MTHFSD: variants seen among roughly 807,000 people sequenced by gnomAD.
MTHFSD encodes the protein methenyltetrahydrofolate synthetase domain containing.
Under a neutral mutation model 31.1 loss-of-function variants are expected in MTHFSD, and 37 were observed. The ratio of observed to expected loss-of-function variants is 1.19; its 90% CI spans 0.91 to 1.56. The LOEUF (loss-of-function observed/expected upper bound fraction) is 1.56. Among genes scored for constraint, MTHFSD ranks in the 40% most tolerant of loss-of-function variants. MTHFSD has a pLI of 0.00. For missense variants in MTHFSD, 664 were observed against 510.1 expected, an observed-to-expected ratio of 1.30 and a Z score of -2.91; for synonymous variants, 221 against 206.9, an observed-to-expected ratio of 1.07 and a Z score of -0.59.
At chr16:86,537,082 G>A (rs1228757532) in intron 7 of MTHFSD, among the ~76,000 whole-genome samples, 1 of 152,126 alleles carries the variant, frequency 6.6e-6, no homozygotes, top group Non-Finnish European at 1.5e-5. Context: ...AAATGCACCC[G>A]GGCGCAATGT....
At chr16:86,541,131 C>G in intron 7 of MTHFSD, 2 of 1,286,318 alleles carry the variant, frequency 1.6e-6, no homozygotes, top group South Asian at 2.5e-5. Flanking sequence ...AGCATCATAA[C>G]CTACAGGCTG....
intron 6 of MTHFSD, 72 bp from the exon 7 acceptor site, chr16:86,541,894 T>TG: frequency 6.3e-7 from 1 of 1,589,420 alleles, no homozygotes; most frequent in Admixed American, 1.7e-5. Flanking sequence ...CCCCGCTCGG[T>TG]GGGAACGTGA....
chr16:86,540,633 T>C (rs1597341774), intron 7 of MTHFSD: 1 of 978,478 alleles, frequency 1.0e-6, no homozygotes, highest in Non-Finnish European at 1.2e-6. Flanking sequence ...GCCGCCAGCC[T>C]TATGCTCTGT....
At chr16:86,537,197 C>T (rs1345087194) in intron 7 of MTHFSD, among the ~76,000 whole-genome samples, 1 of 152,136 alleles carries the variant, frequency 6.6e-6, no homozygotes, top group African/African-American at 2.4e-5. Context: ...AAGGTAGAAA[C>T]GTTTGAAATC....
rs1213058767 is a variant in MTHFSD at position 86,532,033 on chromosome 16, G to C, written c.1130C>G (p.Ala377Gly). The C allele has an allele frequency of 6.7e-7, 1 of 1,485,254 alleles. No homozygotes were observed. Among genetic ancestry groups the C allele is most frequent in the Non-Finnish European group, 8.9e-7 (1 of 1,122,956 alleles). The allele number at this position is 1,485,254 out of a possible 1,614,324, so 92.0% of individuals were successfully genotyped here. ...LGTDTLRVALARQQRDK is the reference protein window; with the variant it reads ...LGTDTLRVALGRQQRDK ...AGGTCACTTGTCCCTCTGCTGCCTG[G>C]CCAGCGCCACCCTCAGGGTGTCGGT... is the stretch of plus-strand genomic sequence containing the variant. Residue 377 changes from alanine (A) to glycine (G), a missense_variant, in exon 8 of 8, where the codon GCC becomes GGC. Coordinates refer to ENST00000360900, the MANE Select transcript of MTHFSD (RefSeq NM_001159377.2).
intron 7 of MTHFSD, among the ~76,000 whole-genome samples, chr16:86,536,613 G>A (rs979791107): frequency 6.6e-6 from 1 of 152,238 alleles, no homozygotes; most frequent in African/African-American, 2.4e-5. Context: ...ACATCAGGAA[G>A]GGATGGCTCA....
chr16:86,548,939 C>T (rs1312000879), intron 3 of MTHFSD, among the ~76,000 whole-genome samples: 1 of 152,220 alleles, frequency 6.6e-6, no homozygotes, highest in African/African-American at 2.4e-5. Flanking sequence ...CCTCTGCTCT[C>T]AGCACCAAGT....
chr16:86,541,101 G>T, intron 7 of MTHFSD: 1 of 1,276,818 alleles, frequency 7.8e-7, no homozygotes, highest in Non-Finnish European at 1.0e-6. Context: ...CAGTAATTCT[G>T]GCTGTTTGCC....
intron 5 of MTHFSD, among the ~76,000 whole-genome samples, chr16:86,545,797 C>T (rs144559772): frequency 9.8e-5 from 15 of 152,364 alleles, no homozygotes; most frequent in Non-Finnish European, 1.3e-4. Flanking sequence ...CTGCCTGGCA[C>T]ACAGCAGGTG....
At chr16:86,549,595 T>C (rs1972842264) in intron 3 of MTHFSD, among the ~76,000 whole-genome samples, 1 of 152,224 alleles carries the variant, frequency 6.6e-6, no homozygotes, top group East Asian at 1.9e-4. Flanking sequence ...TCACTCTCTC[T>C]TTTCTAGAAG....
At position 86,546,610 on chromosome 16, in the gene MTHFSD, T is replaced by G; in HGVS notation, c.391A>C (p.Arg131=). 1.2e-6 allele frequency: 2 copies of G among 1,613,946 alleles called. No homozygotes were observed. Among genetic ancestry groups the G allele is most frequent in the Non-Finnish European group, 8.5e-7 (1 of 1,180,010 alleles). Residue 131 remains arginine (R), a synonymous_variant, in exon 5 of 8, where the codon AGA becomes CGA. Coordinates refer to ENST00000360900, the MANE Select transcript of MTHFSD (RefSeq NM_001159377.2). ...NYSVPIGLDS[R]VLVDLVVVGS... is the part of the protein sequence containing the mutation. ...ACCACAACTAAATCCACGAGGACTC[T>G]GGAGTCCAAGCCTATGGGGACACTG... is the stretch of plus-strand genomic sequence containing the variant.
Position 86,548,536 on chromosome 16 carries a change from C to A in MTHFSD, c.279G>T (p.Thr93=), listed in dbSNP as rs537989979. 2 of 1,613,136 alleles carry A rather than the reference C, an allele frequency of 1.2e-6. No individual in the cohort carries two copies. The highest frequency in any genetic ancestry group is 1.7e-6 in the Non-Finnish European group (2 of 1,179,792). The change falls in exon 4 of 8, where the codon ACG becomes ACT. Residue 93 remains threonine, a synonymous_variant. Coordinates refer to ENST00000360900, the MANE Select transcript of MTHFSD (RefSeq NM_001159377.2). Reference sequence around the variant, plus strand: ...GTGGTGTGATCTTATTAAACAATCCCGTTCTCAGTCGTGGTGTTGGAACCA... The same window carrying A: ...GTGGTGTGATCTTATTAAACAATCCAGTTCTCAGTCGTGGTGTTGGAACCA... ...TLLVPTPRLR[T]GLFNKITPPP...
rs2143872888 is a variant in MTHFSD, at chr16:86,552,147, C to T, written c.124-1G>A. ...TGTTTTGGCAAGCCAGATAAGACCC[C>T]TAGTTAGGCAAATAGACAGAGTTGC... On this transcript the variant is annotated splice_acceptor_variant, in intron 2 of 7. Coordinates refer to ENST00000360900, the MANE Select transcript of MTHFSD (RefSeq NM_001159377.2). LOFTEE classifies it high-confidence loss of function. 2 of 1,614,198 alleles carry T rather than the reference C, an allele frequency of 1.2e-6. No individual in the cohort carries two copies. Among genetic ancestry groups the T allele is most frequent in the East Asian group, 2.2e-5 (1 of 44,886 alleles).
Position 86,532,389 on chromosome 16 carries a change from C to G in MTHFSD, c.774G>C (p.Glu258Asp), listed in dbSNP as rs1279268984. The change falls in exon 8 of 8, where the codon GAG becomes GAC. Residue 258 changes from glutamate to aspartate, a missense_variant. Coordinates refer to ENST00000360900, the MANE Select transcript of MTHFSD (RefSeq NM_001159377.2). ...QAGKDVTLQG[E>D]HQHLPEPGCQ... ...AGCCTGGTTCCGGAAGGTGCTGGTG[C>G]TCACCCTGGAGGGTGACATCCTTCC... 1 of 1,562,512 alleles carries G rather than the reference C, an allele frequency of 6.4e-7. No individual in the cohort carries two copies. The highest frequency in any genetic ancestry group is 1.9e-5 in the Admixed American group (1 of 52,464).
chr16:86,551,323 C>A (rs137928316), intron 3 of MTHFSD, among the ~76,000 whole-genome samples: 6 of 152,110 alleles, frequency 3.9e-5, no homozygotes, highest in African/African-American at 9.7e-5. Context: ...GTGCTCTAAC[C>A]GATACCTTTT....
chr16:86,543,228 C>T (rs181281445), intron 5 of MTHFSD, among the ~76,000 whole-genome samples: 56 of 152,348 alleles, frequency 3.7e-4, no homozygotes, highest in Admixed American at 2.7e-3. Flanking sequence ...CACTAGCGGA[C>T]TGCTCAAAGT....
intron 2 of MTHFSD, 50 bp downstream of exon 2, chr16:86,554,595 T>C (rs747727300): frequency 1.5e-6 from 2 of 1,340,786 alleles, no homozygotes; most frequent in Non-Finnish European, 2.1e-6. Context: ...GTGTTATTCA[T>C]TTAAGAATAT....
chr16:86,531,121 T>G lies in MTHFSD; in HGVS notation c.*890A>C, dbSNP rs913310947. On this transcript the variant is annotated 3_prime_UTR_variant, in exon 8 of 8. Transcript: ENST00000360900. This position sits in a 1 kb window ranked among gnomAD's most constrained non-coding sequence, Gnocchi z 5.5. The stretch of plus-strand genomic sequence containing the variant: ...TCAAAATTTCCAAAGCATATACATT[T>G]GAAAAAAACAAAATCTCCACTTAAA... 1 of 152,154 alleles carries G rather than the reference T, an allele frequency of 6.6e-6. No homozygotes were observed. Among genetic ancestry groups the G allele is most frequent in the Non-Finnish European group, 1.5e-5 (1 of 68,024 alleles). The allele number at this position is 152,154 out of a possible 1,614,324, so 9.4% of individuals were successfully genotyped here. A position where few individuals can be genotyped will look rare whatever the true frequency, so the allele number is the denominator to read the frequency against.
intron 7 of MTHFSD, among the ~76,000 whole-genome samples, chr16:86,537,257 G>A (rs970420867): frequency 2.0e-5 from 3 of 152,078 alleles, no homozygotes; most frequent in Non-Finnish European, 2.9e-5. Context: ...TTTCCTCGCC[G>A]TCTTTTCTCT....
Sources: gnomAD v4.1 joint callset for allele counts (sites outside exome capture counted in the v4.1 genomes callset) on GRCh38, gnomAD v4.1.1 for gene constraint, Gnocchi (gnomAD v3.1) non-coding constraint, MANE v1.5 for transcripts, NCBI Gene and HGNC (gene_info 2026-07-23, HGNC 2026-07-21) for gene names.